MAN1A2: variants seen among roughly 807,000 people sequenced by gnomAD.
MAN1A2 encodes the protein mannosyl-oligosaccharide 1,2-alpha-mannosidase IB.
Under a neutral mutation model 75.7 loss-of-function variants are expected in MAN1A2, and 26 were observed. The ratio of observed to expected loss-of-function variants is 0.34; its 90% confidence interval spans 0.25 to 0.48. The LOEUF (loss-of-function observed/expected upper bound fraction) is 0.48. Among genes scored for constraint, MAN1A2 ranks in the 20% least tolerant of loss-of-function variants. The pLI is 0.99. For missense variants in MAN1A2, 562 were observed against 775.5 expected (o/e 0.72, Z 3.27); for synonymous variants, 247 against 264.6 (o/e 0.93, Z 0.65).
At chr1:117,444,433 T>A (rs748505361) in intron 6 of MAN1A2, among the ~76,000 whole-genome samples, 1 of 151,718 alleles carries the variant, frequency 6.6e-6, no homozygotes, top group African/African-American at 2.4e-5. Context: ...GATTTCTAGA[T>A]GTAGCGTTCC....
chr1:117,379,076 A>C (rs1454473026), intron 1 of MAN1A2, among the ~76,000 whole-genome samples: 1 of 152,138 alleles, frequency 6.6e-6, no homozygotes, highest in African/African-American at 2.4e-5. Context: ...ACTCTGAAGT[A>C]ACAGTTTCCT....
At chr1:117,428,784 CTTTTTTTTTTTT>C (rs780515731) in intron 5 of MAN1A2, among the ~76,000 whole-genome samples, 1 of 110,178 alleles carries the variant, frequency 9.1e-6, no homozygotes, top group African/African-American at 3.5e-5. Context: ...GGAGACCTTT[CTTTTTTTTTTTT>C]TTTTTTTTTT....
rs12084686 is a variant in MAN1A2 at position 117,402,995 on chromosome 1, C to G, written c.558+554C>G. On this transcript the variant is annotated intron_variant, in intron 2 of 12. Coordinates refer to ENST00000356554, the MANE Select transcript of MAN1A2 (RefSeq NM_006699.5). ...AATTTATTTAGCCTCAGAAGTCTTT[C>G]AATTTGTTATTCTGTAGTTACTTAA... Among the ~76,000 whole-genome samples the G allele has an allele frequency of 3.8e-3, 583 of 152,126 alleles. 6 individuals are homozygous for G. The highest frequency in any genetic ancestry group is 0.013 in the African/African-American group (554 of 41,508).
At chr1:117,385,420 A>G (rs1318071368) in intron 1 of MAN1A2, among the ~76,000 whole-genome samples, 1 of 152,190 alleles carries the variant, frequency 6.6e-6, no homozygotes, top group East Asian at 1.9e-4. Context: ...AATGTGTAGT[A>G]GTAATTATGG....
Position 117,515,136 on chromosome 1 carries a change from A to G in MAN1A2, c.1794-7689A>G, listed in dbSNP as rs151027525. 3.6e-4 allele frequency: 69 copies of G among 190,336 alleles called. No homozygotes were observed. The East Asian group carries it at 5.3e-3, about 15-fold the overall frequency. 11.8% of individuals were successfully genotyped at this position (190,336 alleles called of 1,614,324 possible). A position where few individuals can be genotyped will look rare whatever the true frequency, so the allele number is the denominator to read the frequency against. On this transcript the variant is annotated intron_variant, in intron 12 of 12. Transcript: ENST00000356554. ...TATATGCAGTTGGCCCTCCATGTCA[A>G]TGGGTTCATGGATTCAACCAAACAT...
At chr1:117,485,232 CAG>C (rs1197923795) in intron 8 of MAN1A2, among the ~76,000 whole-genome samples, 4 of 151,988 alleles carry the variant, frequency 2.6e-5, no homozygotes, top group South Asian at 4.1e-4. Context: ...GATTATGAGA[CAG>C]AGGAATAAGA....
chr1:117,392,708 G>A (rs1557931737), intron 1 of MAN1A2, among the ~76,000 whole-genome samples: 1 of 152,162 alleles, frequency 6.6e-6, no homozygotes, highest in African/African-American at 2.4e-5. Context: ...ACCCTAGTTA[G>A]AATAATCTAT....
At chr1:117,395,193 A>G (rs1653867348) in intron 1 of MAN1A2, among the ~76,000 whole-genome samples, 1 of 152,228 alleles carries the variant, frequency 6.6e-6, no homozygotes, top group African/African-American at 2.4e-5. Context: ...CTCTAGGACT[A>G]AGGAGGAAGA....
intron 8 of MAN1A2, among the ~76,000 whole-genome samples, chr1:117,469,559 ATG>A (rs1557963512): frequency 6.6e-6 from 1 of 152,140 alleles, no homozygotes; most frequent in Non-Finnish European, 1.5e-5. Flanking sequence ...TGCAAATCAC[ATG>A]TCTTTTAAGG....
chr1:117,407,402 A>G (rs979464326), intron 3 of MAN1A2, among the ~76,000 whole-genome samples: 5 of 151,840 alleles, frequency 3.3e-5, no homozygotes, highest in African/African-American at 1.2e-4. Flanking sequence ...TTTCTTTTTT[A>G]AAAAAACAGT....
intron 1 of MAN1A2, among the ~76,000 whole-genome samples, chr1:117,369,502 T>C (rs573488535): frequency 3.3e-5 from 5 of 152,328 alleles, no homozygotes; most frequent in Middle Eastern, 3.4e-3. Context: ...AAAGCTTAGG[T>C]TCACGTGTAA....
intron 8 of MAN1A2, among the ~76,000 whole-genome samples, chr1:117,470,851 A>G (rs1650129670): frequency 6.6e-6 from 1 of 152,024 alleles, no homozygotes; most frequent in African/African-American, 2.4e-5. Context: ...CTGAAATTTA[A>G]CAATTCAGCT....
chr1:117,489,362 T>C (rs535256936), intron 8 of MAN1A2, among the ~76,000 whole-genome samples: 1 of 152,118 alleles, frequency 6.6e-6, no homozygotes, highest in South Asian at 2.1e-4. Flanking sequence ...ATATTATCAG[T>C]CTTTTAAAAT....
At chr1:117,514,786 T>C in intron 12 of MAN1A2, 1 of 530,078 alleles carries the variant, frequency 1.9e-6, no homozygotes, top group Non-Finnish European at 3.9e-6. Flanking sequence ...TAGAGAAGAC[T>C]GAAAAACAAA....
At chr1:117,460,164 A>G (rs1352810672) in intron 6 of MAN1A2, among the ~76,000 whole-genome samples, 2 of 152,172 alleles carry the variant, frequency 1.3e-5, no homozygotes, top group Non-Finnish European at 2.9e-5. Context: ...ATGAGCATAT[A>G]TATTTGGATT....
chr1:117,487,995 G>T (rs1650765079), intron 8 of MAN1A2, among the ~76,000 whole-genome samples: 1 of 151,948 alleles, frequency 6.6e-6, no homozygotes, highest in South Asian at 2.1e-4. Context: ...GATGAGTATG[G>T]AAAGCTATTC....
rs1652027831 is a variant in MAN1A2, at chr1:117,526,698, C to A, written c.*3741C>A. ...AAATTGTGTCTGCTCTGGTATGGGC[C>A]CTATTAATAGTCCCATGCTGTTAAA... On this transcript the variant is annotated 3_prime_UTR_variant, in exon 13 of 13. Transcript: ENST00000356554. The A allele has an allele frequency of 6.7e-6, 1 of 150,300 alleles. No homozygotes were observed. The highest frequency in any genetic ancestry group is 1.5e-5 in the Non-Finnish European group (1 of 67,344). 9.3% of individuals were successfully genotyped at this position (150,300 alleles called of 1,614,324 possible).
At chr1:117,515,950 T>A (rs1166534673) in intron 12 of MAN1A2, 1 of 151,910 alleles carries the variant, frequency 6.6e-6, no homozygotes, top group Non-Finnish European at 1.5e-5. Context: ...AAAAAAAATA[T>A]AAGGAAAGCA....
At position 117,528,721 on chromosome 1, in the gene MAN1A2, A is replaced by G. The variant is rs1441085483; in HGVS notation, c.*5764A>G. The G allele has an allele frequency of 1.3e-5, 2 of 152,068 alleles. No individual in the cohort carries two copies. Among genetic ancestry groups the G allele is most frequent in the African/African-American group, 2.4e-5 (1 of 41,422 alleles). 9.4% of individuals were successfully genotyped at this position (152,068 alleles called of 1,614,324 possible). A position where few individuals can be genotyped will look rare whatever the true frequency, so the allele number is the denominator to read the frequency against. Reference sequence around the variant, plus strand: ...ATTCATTGATAGAATTTTTTCTTAAACTAATAAGTGGGGTAAGTATAATCT... The same window carrying G: ...ATTCATTGATAGAATTTTTTCTTAAGCTAATAAGTGGGGTAAGTATAATCT... On this transcript the variant is annotated 3_prime_UTR_variant, in exon 13 of 13. Transcript: ENST00000356554.
Sources: allele counts gnomAD v4.1 joint callset (sites outside exome capture counted in the v4.1 genomes callset), GRCh38; gene constraint gnomAD v4.1.1; transcripts MANE v1.5; gene names NCBI Gene and HGNC (gene_info 2026-07-23, HGNC 2026-07-21).